Variants in NEK10 observed in about 807,000 individuals in gnomAD.
The protein encoded by NEK10 is NIMA related kinase 10.
NEK10 carries 122 observed loss-of-function variants against 159.8 expected under a neutral mutation model. The observed-to-expected ratio is 0.76, with a 90% CI of 0.66 to 0.89. The LOEUF is 0.89. Among genes scored for constraint, NEK10 ranks in the 40% least tolerant of loss-of-function variants. The pLI is 0.00. For missense variants in NEK10, 1,342 were observed against 1,323.1 expected (o/e 1.01, Z -0.22); for synonymous variants, 466 against 457.1 (o/e 1.02, Z -0.25).
intron 30 of NEK10, among the ~76,000 whole-genome samples, chr3:27,158,804 C>G (rs1945744529): frequency 6.6e-6 from 1 of 152,094 alleles, no homozygotes; most frequent in Admixed American, 6.5e-5. Flanking sequence ...TTACATTTGA[C>G]CCACACTAAT....
chr3:27,159,803 G>A (rs1430797484), intron 30 of NEK10, among the ~76,000 whole-genome samples: 1 of 151,734 alleles, frequency 6.6e-6, no homozygotes, highest in Non-Finnish European at 1.5e-5. Flanking sequence ...CATGAACCTA[G>A]AAGTTCAGCT....
intron 5 of NEK10, among the ~76,000 whole-genome samples, chr3:27,326,262 T>C (rs966268342): frequency 1.3e-5 from 2 of 152,212 alleles, no homozygotes; most frequent in African/African-American, 4.8e-5. Flanking sequence ...CTGGGTTAGC[T>C]AAAGGCAGCA....
At chr3:27,361,315 C>G (rs755556825) in intron 1 of NEK10, among the ~76,000 whole-genome samples, 5 of 152,148 alleles carry the variant, frequency 3.3e-5, no homozygotes, top group African/African-American at 4.8e-5. Flanking sequence ...TTCTACTCAT[C>G]ATATGGTTTA....
chr3:27,182,284 C>A (rs565114456), intron 26 of NEK10, among the ~76,000 whole-genome samples: 30 of 152,128 alleles, frequency 2.0e-4, no homozygotes, highest in African/African-American at 7.0e-4. Context: ...TAATTAACTC[C>A]GTTAAGCCAT....
intron 29 of NEK10, among the ~76,000 whole-genome samples, chr3:27,170,739 T>C (rs1425125551): frequency 6.6e-6 from 1 of 152,060 alleles, no homozygotes; most frequent in Non-Finnish European, 1.5e-5. Context: ...ATAATAATAA[T>C]AATATACAGA....
At chr3:27,196,179 T>C (rs1043107283) in intron 25 of NEK10, among the ~76,000 whole-genome samples, 1 of 152,158 alleles carries the variant, frequency 6.6e-6, no homozygotes, top group African/African-American at 2.4e-5. Context: ...AAAAGCATCA[T>C]GAAAATCCCT....
In NEK10 at chr3:27,307,912, G is replaced by A. The variant is rs1404889895; in HGVS notation, c.750C>T (p.Asn250=). 6.4e-7 allele frequency: 1 copy of A among 1,555,598 alleles called. No individual in the cohort carries two copies. The highest frequency in any genetic ancestry group is 1.4e-5 in the African/African-American group (1 of 73,894). The change falls in exon 11 of 36, where the codon AAC becomes AAT. Residue 250 remains asparagine (N), a synonymous_variant. Transcript: ENST00000691995. ...QECREKISEL[N]IVENLLMILH... Reference sequence around the variant, plus strand: ...AAATCATCAACAGATTTTCTACAATGTTGAGTTCACTTATCTTCTCCCTAC... The same window carrying A: ...AAATCATCAACAGATTTTCTACAATATTGAGTTCACTTATCTTCTCCCTAC...
intron 26 of NEK10, among the ~76,000 whole-genome samples, chr3:27,184,555 TA>T (rs1312186354): frequency 1.3e-5 from 2 of 152,236 alleles, no homozygotes; most frequent in African/African-American, 4.8e-5. Context: ...ATGTAAATTA[TA>T]TGTCAATAAA....
intron 23 of NEK10, 146 bp downstream of exon 23, chr3:27,256,150 T>G (rs1956145980): frequency 2.4e-6 from 1 of 416,308 alleles, no homozygotes; most frequent in Admixed American, 4.4e-5. Context: ...ACAATTCTAG[T>G]AATGTGTATT....
intron 22 of NEK10, among the ~76,000 whole-genome samples, chr3:27,278,409 C>T (rs2041919915): frequency 6.6e-6 from 1 of 152,184 alleles, no homozygotes; most frequent in African/African-American, 2.4e-5. Context: ...GGACTGTGAG[C>T]TCAGGGAGCA....
intron 33 of NEK10, among the ~76,000 whole-genome samples, chr3:27,118,129 G>A (rs1467310749): frequency 1.3e-5 from 2 of 152,190 alleles, no homozygotes; most frequent in African/African-American, 2.4e-5. Flanking sequence ...GATGGTTCCA[G>A]ATGTATGGTC....
At chr3:27,226,042 T>A (rs1019047559) in intron 23 of NEK10, among the ~76,000 whole-genome samples, 12 of 152,118 alleles carry the variant, frequency 7.9e-5, no homozygotes, top group Non-Finnish European at 1.5e-4. Context: ...TACAATATTT[T>A]TTTTTTTGAG....
intron 5 of NEK10, among the ~76,000 whole-genome samples, chr3:27,330,353 G>A (rs1268957417): frequency 1.3e-5 from 2 of 152,088 alleles, no homozygotes; most frequent in East Asian, 1.9e-4. Flanking sequence ...GTGAAGCTTT[G>A]AGTAAAAGAG....
At chr3:27,263,020 A>C (rs1368320771) in intron 22 of NEK10, among the ~76,000 whole-genome samples, 1 of 152,094 alleles carries the variant, frequency 6.6e-6, no homozygotes, top group Non-Finnish European at 1.5e-5. Flanking sequence ...CCTGTTTGTT[A>C]GTTTTCCTTC....
intron 3 of NEK10, among the ~76,000 whole-genome samples, chr3:27,349,832 T>G (rs551526537): frequency 6.6e-6 from 1 of 152,310 alleles, no homozygotes; most frequent in African/African-American, 2.4e-5. Context: ...TTATGATTAT[T>G]CTAAGCCTGC....
chr3:27,352,870 C>T lies in NEK10; in HGVS notation c.13G>A (p.Asp5Asn). Residue 5 changes from aspartate to asparagine, a missense_variant, in exon 2 of 36, where the codon GAT (aspartate) becomes AAT (asparagine). By Grantham distance (23) the Asp-to-Asn change is conservative. Transcript: ENST00000691995. MPDQ[D>N]KKVKTTEKST... ...TTTTCTGTGGTCTTCACCTTTTTAT[C>T]TTGATCAGGCATTGTAAAACATCAA... 6.2e-7 allele frequency: 1 copy of T among 1,607,648 alleles called. No individual in the cohort carries two copies. Among genetic ancestry groups the T allele is most frequent in the Non-Finnish European group, 8.5e-7 (1 of 1,174,746 alleles).
rs559554695 is a variant in NEK10, at chr3:27,277,661, T to C, written c.2014+6941A>G. Among the ~76,000 whole-genome samples, 7 of 152,320 alleles carry C rather than the reference T, an allele frequency of 4.6e-5. No individual in the cohort carries two copies. The East Asian group carries it at 1.4e-3, about 29-fold the overall frequency. On this transcript the variant is annotated intron_variant, in intron 22 of 35. Transcript: ENST00000691995. The stretch of plus-strand genomic sequence containing the variant: ...TGCTCTTACCCTTCCTGCTTAACTC[T>C]GCACCAAAAGATCCCTAAGGCACAG...
chr3:27,151,843 C>T (rs1944908044), intron 30 of NEK10, among the ~76,000 whole-genome samples: 1 of 152,112 alleles, frequency 6.6e-6, no homozygotes, highest in Non-Finnish European at 1.5e-5. Flanking sequence ...ATTGGACACA[C>T]TTATAGAAAT....
At chr3:27,228,592 C>T (rs1056934593) in intron 23 of NEK10, among the ~76,000 whole-genome samples, 12 of 152,098 alleles carry the variant, frequency 7.9e-5, no homozygotes, top group Non-Finnish European at 1.0e-4. Context: ...ATCTAAGAGG[C>T]AGGAGCTAGT....
Sources: allele counts gnomAD v4.1 joint callset (sites outside exome capture counted in the v4.1 genomes callset), GRCh38; gene constraint gnomAD v4.1.1; transcripts MANE v1.5; gene names NCBI Gene and HGNC (gene_info 2026-07-23, HGNC 2026-07-21).